ADGRE5: variants seen among roughly 807,000 people sequenced by gnomAD.
The protein encoded by ADGRE5 is CD97 molecule.
ADGRE5 carries 72 observed loss-of-function variants against 100.3 expected under a neutral mutation model. That is an observed-to-expected ratio of 0.72 (90% CI 0.59 to 0.87). ADGRE5 has a LOEUF of 0.87. Among genes scored for constraint, ADGRE5 ranks in the 40% least tolerant of loss-of-function variants. The probability of loss-of-function intolerance (pLI) is 0.00; values close to 1 mark genes in which losing one functional copy is unlikely to be tolerated. For missense variants in ADGRE5, 959 were observed against 1,094.7 expected, an observed-to-expected ratio of 0.88 and a Z score of 1.75; for synonymous variants, 439 against 447.8, an observed-to-expected ratio of 0.98 and a Z score of 0.25.
chr19:14,389,059 A>G (rs1007509673), intron 3 of ADGRE5, among the ~76,000 whole-genome samples: 3 of 140,422 alleles, frequency 2.1e-5, no homozygotes, highest in Non-Finnish European at 4.6e-5. Flanking sequence ...GGAGAGGATT[A>G]TTTGAGCCCA....
At position 14,408,344 on chromosome 19, in the gene ADGRE5, C is replaced by T. The variant is rs1035371456; in HGVS notation, c.*223C>T. The stretch of plus-strand genomic sequence containing the variant: ...GGTCCTGCTGCTGGCTGCCTCTCTG[C>T]TCCACCTTGTGACCCAGGGTGGGGA... On this transcript the variant is annotated 3_prime_UTR_variant, in exon 20 of 20. Coordinates refer to ENST00000242786, the MANE Select transcript of ADGRE5 (RefSeq NM_078481.4). The T allele has an allele frequency of 9.5e-6, 6 of 629,792 alleles. No individual in the cohort carries two copies. The highest frequency in any genetic ancestry group is 1.8e-5 in the African/African-American group (1 of 55,024). The allele number at this position is 629,792 out of a possible 1,614,324, so 39.0% of individuals were successfully genotyped here.
At position 14,407,231 on chromosome 19, in the gene ADGRE5, T is replaced by TG; in HGVS notation, c.2376+7dup. ...CTGCACTGCCTGCTCAACAAGAAGG[T>TG]GGGGGCCTGGGCACAGTGGCGCACG... On this transcript the variant is annotated splice_region_variant and intron_variant, in intron 18 of 19. Transcript: ENST00000242786. The TG allele has an allele frequency of 1.2e-6, 2 of 1,613,166 alleles. No homozygotes were observed. The highest frequency in any genetic ancestry group is 1.1e-5 in the South Asian group (1 of 91,068).
chr19:14,407,351 T>C (rs1976303343), intron 18 of ADGRE5, 122 bp downstream of exon 18: 2 of 1,145,732 alleles, frequency 1.7e-6, no homozygotes, highest in African/African-American at 1.5e-5. Flanking sequence ...CCAGATGCTG[T>C]CTTTACAAAA....
chr19:14,407,811 A>G (rs1194966450), intron 18 of ADGRE5, 97 bp from the exon 19 acceptor site: 1 of 1,045,074 alleles, frequency 9.6e-7, no homozygotes, highest in African/African-American at 1.8e-5. Flanking sequence ...GACAAACACA[A>G]AAACACCAAG....
intron 12 of ADGRE5, among the ~76,000 whole-genome samples, chr19:14,403,311 C>A (rs113992688): frequency 6.6e-6 from 1 of 151,642 alleles, no homozygotes; most frequent in Admixed American, 6.6e-5. Context: ...CAAAGTACTG[C>A]GATTACAGGC....
At chr19:14,400,478 A>G (rs1975965852) in intron 9 of ADGRE5, among the ~76,000 whole-genome samples, 1 of 151,744 alleles carries the variant, frequency 6.6e-6, no homozygotes, top group African/African-American at 2.4e-5. Context: ...TTTATAAAGT[A>G]AAAATAAAGT....
chr19:14,404,582 C>T lies in ADGRE5; in HGVS notation c.1629+20C>T. On this transcript the variant is annotated intron_variant, in intron 13 of 19. Transcript: ENST00000242786. ...GTGGAGGTAAGTAGCTGGAGGCATCCTCAAGTGCCCACAGGTAATGAGGTC... is the reference window on the plus strand; with the variant it reads ...GTGGAGGTAAGTAGCTGGAGGCATCTTCAAGTGCCCACAGGTAATGAGGTC... 1 of 1,607,982 alleles carries T rather than the reference C, an allele frequency of 6.2e-7. No individual in the cohort carries two copies. Among genetic ancestry groups the T allele is most frequent in the Non-Finnish European group, 8.5e-7 (1 of 1,177,396 alleles).
At chr19:14,407,821 G>T (rs1976336212) in intron 18 of ADGRE5, 87 bp from the exon 19 acceptor site, 1 of 1,124,058 alleles carries the variant, frequency 8.9e-7, no homozygotes, top group Middle Eastern at 2.2e-4. Context: ...AAAACACCAA[G>T]AAGGTGGGGC....
chr19:14,397,462 G>A (rs1348953273), intron 6 of ADGRE5, 196 bp from the exon 7 acceptor site: 3 of 612,890 alleles, frequency 4.9e-6, no homozygotes, highest in Middle Eastern at 3.3e-4. Context: ...GGAGGAAGGC[G>A]TTTCACCATA....
chr19:14,402,565 G>A (rs932492600), intron 11 of ADGRE5, 32 bp from the exon 12 acceptor site: 13 of 1,611,808 alleles, frequency 8.1e-6, no homozygotes, highest in African/African-American at 2.7e-5. Flanking sequence ...GGAGGACAAC[G>A]GGAGTAGGCA....
intron 9 of ADGRE5, 98 bp downstream of exon 9, chr19:14,398,237 C>G: frequency 1.9e-6 from 2 of 1,064,884 alleles, no homozygotes; most frequent in Non-Finnish European, 1.4e-6. Context: ...GCAGGGGCCT[C>G]TAGTCAGAGA....
At chr19:14,398,221 A>G in intron 9 of ADGRE5, 82 bp downstream of exon 9, 2 of 1,297,276 alleles carry the variant, frequency 1.5e-6, no homozygotes, top group East Asian at 2.3e-5. Flanking sequence ...AGAGTGCCCA[A>G]CCCAAGCAGG....
intron 3 of ADGRE5, 39 bp from the exon 4 acceptor site, chr19:14,390,885 C>T (rs560005217): frequency 1.2e-6 from 2 of 1,606,372 alleles, no homozygotes; most frequent in Non-Finnish European, 1.7e-6. Flanking sequence ...ACAGAACTCA[C>T]ATCTTTGGGA....
rs1169868991 is a variant in ADGRE5, at chr19:14,406,834, C to G, written c.2116-35C>G. 4 of 1,612,162 alleles carry G rather than the reference C, an allele frequency of 2.5e-6. No individual in the cohort carries two copies. The South Asian group carries it at 4.4e-5, about 18-fold the overall frequency. ...GCCCAGGCCCGGCTGGACCATCGCT[C>G]TCGCCCTCTAACCCACAATCTGCTC... On this transcript the variant is annotated intron_variant, in intron 16 of 19. Coordinates refer to ENST00000242786, the MANE Select transcript of ADGRE5 (RefSeq NM_078481.4). This position sits in a 1 kb window ranked among gnomAD's most constrained non-coding sequence, Gnocchi z 6.0.
chr19:14,404,381 A>C lies in ADGRE5; in HGVS notation c.1450-2A>C. 1.2e-6 allele frequency: 2 copies of C among 1,606,810 alleles called. No individual in the cohort carries two copies. Among genetic ancestry groups the C allele is most frequent in the Non-Finnish European group, 1.7e-6 (2 of 1,177,600 alleles). The stretch of plus-strand genomic sequence containing the variant: ...TTTCTGACCACCCCCATCTGCCCAC[A>C]GGACGTGATGCCTGGGCCACGGCAG... On this transcript the variant is annotated splice_acceptor_variant, in intron 12 of 19. Coordinates refer to ENST00000242786, the MANE Select transcript of ADGRE5 (RefSeq NM_078481.4). LOFTEE classifies it high-confidence loss of function.
Position 14,397,186 on chromosome 19 carries a change from G to A in ADGRE5, c.588G>A (p.Pro196=), listed in dbSNP as rs568849647. 28 of 1,613,454 alleles carry A rather than the reference G, an allele frequency of 1.7e-5. No homozygotes were observed. Among genetic ancestry groups the A allele is most frequent in the Admixed American group, 5.0e-5 (3 of 59,888 alleles). Residue 196 remains proline, a synonymous_variant, in exon 6 of 20, where the codon CCG becomes CCA. Coordinates refer to ENST00000242786, the MANE Select transcript of ADGRE5 (RefSeq NM_078481.4). ...GCCGCCCGGGCTGGCAACCGATTCC[G>A]GGGTCCCCCAATGGCCCAAACAATA... ...CRCRPGWQPI[P]GSPNGPNNTV... is the part of the protein sequence containing the mutation.
rs761930050 is a variant in ADGRE5, at chr19:14,407,134, G to T, written c.2281G>T (p.Asp761Tyr). ...CTWVFGLFIF[D>Y]DRSLVLTYVF... The stretch of plus-strand genomic sequence containing the variant: ...CTGGGTCTTTGGCCTGTTCATCTTC[G>T]ACGATCGGAGCTTGGTGCTGACCTA... The change falls in exon 18 of 20, where the codon GAC becomes TAC. Residue 761 changes from aspartate to tyrosine, a missense_variant. This residue lies in a region of ADGRE5 where 428 missense variants were observed against 386.2 expected (regional missense o/e 1.11). Transcript: ENST00000242786. 6.2e-7 allele frequency: 1 copy of T among 1,614,158 alleles called. No individual in the cohort carries two copies. Among genetic ancestry groups the T allele is most frequent in the Admixed American group, 1.7e-5 (1 of 60,026 alleles).
In ADGRE5 at chr19:14,398,055, T is replaced by C; in HGVS notation, c.820-7T>C. On this transcript the variant is annotated splice_polypyrimidine_tract_variant and splice_region_variant and intron_variant, in intron 8 of 19. Coordinates refer to ENST00000242786, the MANE Select transcript of ADGRE5 (RefSeq NM_078481.4). ...CTCTCTGACCCCCACATCTCCTCTC[T>C]CTGCAGACGCTTTCCCGATTCTTCG... 6.2e-7 allele frequency: 1 copy of C among 1,613,398 alleles called. No homozygotes were observed.
At chr19:14,403,308 C>T (rs558582284) in intron 12 of ADGRE5, among the ~76,000 whole-genome samples, 1 of 152,010 alleles carries the variant, frequency 6.6e-6, no homozygotes, top group Non-Finnish European at 1.5e-5. Flanking sequence ...TCTCAAAGTA[C>T]TGCGATTACA....
Sources: allele counts gnomAD v4.1 joint callset (sites outside exome capture counted in the v4.1 genomes callset), GRCh38; gene constraint gnomAD v4.1.1; regional missense constraint gnomAD v4.1.1; non-coding constraint Gnocchi (gnomAD v3.1); transcripts MANE v1.5; gene names NCBI Gene and HGNC (gene_info 2026-07-23, HGNC 2026-07-21).